GPR158: variants seen among roughly 807,000 people sequenced by gnomAD.
The protein encoded by GPR158 is metabotropic glycine receptor.
Under a neutral mutation model 78.2 loss-of-function variants are expected in GPR158, and 30 were observed. That is an observed-to-expected ratio of 0.38 (90% CI 0.29 to 0.52). The LOEUF (loss-of-function observed/expected upper bound fraction) is 0.52. Among genes scored for constraint, GPR158 ranks in the 20% least tolerant of loss-of-function variants. The probability of loss-of-function intolerance (pLI) is 0.83; values close to 1 mark genes in which losing one functional copy is unlikely to be tolerated. For synonymous variants in GPR158, 581 were observed against 591.1 expected, an observed-to-expected ratio of 0.98 and a Z score of 0.25; for missense variants, 1,463 against 1,523.5, an observed-to-expected ratio of 0.96 and a Z score of 0.66.
At chr10:25,316,120 C>T (rs1260475074) in intron 2 of GPR158, among the ~76,000 whole-genome samples, 1 of 152,116 alleles carries the variant, frequency 6.6e-6, no homozygotes, top group African/African-American at 2.4e-5. Flanking sequence ...TTCTCTTACG[C>T]TAGTAACTTA....
At chr10:25,392,377 G>T (rs1834312023) in intron 2 of GPR158, among the ~76,000 whole-genome samples, 1 of 152,198 alleles carries the variant, frequency 6.6e-6, no homozygotes, top group Non-Finnish European at 1.5e-5. Flanking sequence ...ATCCAGGCTG[G>T]TAGCAGGAGC....
At chr10:25,381,924 G>C (rs898562860) in intron 2 of GPR158, among the ~76,000 whole-genome samples, 1 of 152,134 alleles carries the variant, frequency 6.6e-6, no homozygotes, top group Admixed American at 6.5e-5. Flanking sequence ...TTTGCTTGCG[G>C]GTTTTAAGCT....
At chr10:25,196,305 CT>C (rs1270952899) in intron 1 of GPR158, among the ~76,000 whole-genome samples, 1 of 151,140 alleles carries the variant, frequency 6.6e-6, no homozygotes, top group Non-Finnish European at 1.5e-5. Context: ...GGCAATTTCT[CT>C]TAATGTTCAT....
intron 2 of GPR158, among the ~76,000 whole-genome samples, chr10:25,307,253 A>G (rs2130456844): frequency 6.6e-6 from 1 of 151,988 alleles, no homozygotes. Flanking sequence ...CAAGACTCCA[A>G]AATGCAACTA....
chr10:25,579,438 A>G (rs1246394112), intron 7 of GPR158, among the ~76,000 whole-genome samples: 1 of 152,164 alleles, frequency 6.6e-6, no homozygotes, highest in Non-Finnish European at 1.5e-5. Flanking sequence ...GGGGACCCAA[A>G]TTTAAAATAC....
intron 2 of GPR158, among the ~76,000 whole-genome samples, chr10:25,351,132 C>G (rs1472081140): frequency 2.0e-5 from 3 of 151,900 alleles, no homozygotes; most frequent in African/African-American, 4.8e-5. Flanking sequence ...GCAGGCACCC[C>G]CTTCTCTATA....
chr10:25,241,374 C>T (rs200802260), intron 2 of GPR158, among the ~76,000 whole-genome samples: 3 of 89,730 alleles, frequency 3.3e-5, no homozygotes, highest in East Asian at 2.7e-4. Flanking sequence ...TTTCTTTTCT[C>T]TCTTCTCTTC....
intron 2 of GPR158, among the ~76,000 whole-genome samples, chr10:25,381,214 A>G (rs999811450): frequency 2.0e-5 from 3 of 152,216 alleles, no homozygotes; most frequent in African/African-American, 7.2e-5. Context: ...CAGAAAAGTT[A>G]AAAAATTATA....
intron 2 of GPR158, among the ~76,000 whole-genome samples, chr10:25,348,741 G>T: frequency 6.6e-6 from 1 of 151,880 alleles, no homozygotes; most frequent in East Asian, 1.9e-4. Context: ...CTATCAGCAG[G>T]ATTATCCTAC....
At chr10:25,415,621 T>C (rs558154744) in intron 4 of GPR158, among the ~76,000 whole-genome samples, 37 of 152,160 alleles carry the variant, frequency 2.4e-4, no homozygotes, top group African/African-American at 6.5e-4. Context: ...TGAAGTATGA[T>C]ATGATCCAGC....
At chr10:25,494,837 T>G (rs1835856601) in intron 5 of GPR158, among the ~76,000 whole-genome samples, 1 of 152,234 alleles carries the variant, frequency 6.6e-6, no homozygotes, top group South Asian at 2.1e-4. Context: ...CAAACTAGTT[T>G]GCTATTTTAA....
intron 6 of GPR158, among the ~76,000 whole-genome samples, chr10:25,566,679 CTT>C (rs1836933524): frequency 6.6e-6 from 1 of 152,196 alleles, no homozygotes; most frequent in South Asian, 2.1e-4. Flanking sequence ...ATAGCAATAA[CTT>C]AATATACTCA....
chr10:25,332,389 A>ATTTACT (rs1351071012), intron 2 of GPR158, among the ~76,000 whole-genome samples: 6 of 152,310 alleles, frequency 3.9e-5, no homozygotes, highest in Admixed American at 3.9e-4. Flanking sequence ...GTAGCCTATG[A>ATTTACT]TGTTGGTTTA....
chr10:25,422,628 C>CAAAAAA (rs10634150), intron 4 of GPR158, among the ~76,000 whole-genome samples: 6 of 143,204 alleles, frequency 4.2e-5, no homozygotes, highest in Non-Finnish European at 4.6e-5. Flanking sequence ...ATTGTATTTG[C>CAAAAAA]AAAAAAAAAA....
chr10:25,307,766 T>C (rs1854701830), intron 2 of GPR158, among the ~76,000 whole-genome samples: 1 of 152,220 alleles, frequency 6.6e-6, no homozygotes, highest in African/African-American at 2.4e-5. Flanking sequence ...GCTGTAGTGC[T>C]GCATTGTGTA....
chr10:25,207,359 T>C (rs1196733160), intron 1 of GPR158, among the ~76,000 whole-genome samples: 2 of 152,160 alleles, frequency 1.3e-5, no homozygotes, highest in South Asian at 4.1e-4. Flanking sequence ...TTCCCCCCTT[T>C]TTAAACTGAA....
intron 2 of GPR158, among the ~76,000 whole-genome samples, chr10:25,254,306 G>T (rs1220858923): frequency 1.3e-5 from 2 of 152,164 alleles, no homozygotes; most frequent in African/African-American, 4.8e-5. Context: ...AGGACAAATA[G>T]ATTTGCAAAA....
At chr10:25,361,918 T>A (rs1364884581) in intron 2 of GPR158, among the ~76,000 whole-genome samples, 2 of 152,020 alleles carry the variant, frequency 1.3e-5, no homozygotes, top group Non-Finnish European at 2.9e-5. Flanking sequence ...TTTTGTCCCA[T>A]TACACAGGTT....
chr10:25,385,893 C>G (rs1398831236), intron 2 of GPR158, among the ~76,000 whole-genome samples: 2 of 152,050 alleles, frequency 1.3e-5, no homozygotes, highest in African/African-American at 4.8e-5. Context: ...ATGTTTTCTC[C>G]CATTCTGTAG....
Sources: gnomAD v4.1 joint callset for allele counts (sites outside exome capture counted in the v4.1 genomes callset) on GRCh38, gnomAD v4.1.1 for gene constraint, MANE v1.5 for transcripts, NCBI Gene and HGNC (gene_info 2026-07-23, HGNC 2026-07-21) for gene names.